WHR1: variants seen among roughly 807,000 people sequenced by gnomAD.
WHR1 encodes the protein MHC class III HLA-RP1.
chr6:31,978,837 G>A, the WHR1 span: 439,561 of 1,469,126 alleles, frequency 0.3, 70,998 homozygotes, highest in Admixed American at 0.46. Context: ...GCCTGAGAGC[G>A]CCCAGAGTAT....
At chr6:31,980,354 C>G in the WHR1 span, 1 of 1,134,268 alleles carries the variant, frequency 8.8e-7, no homozygotes, top group Non-Finnish European at 1.2e-6. Flanking sequence ...CATGGTTGCC[C>G]GTGTTTCTGG....
chr6:31,980,536 T>A, the WHR1 span: 8 of 1,612,778 alleles, frequency 5.0e-6, no homozygotes, highest in Non-Finnish European at 6.8e-6. Context: ...ATTCATCAAG[T>A]ACTTTGTTAA....
the WHR1 span, chr6:31,971,433 G>T: frequency 9.9e-6 from 16 of 1,611,660 alleles, no homozygotes; most frequent in Non-Finnish European, 1.3e-5. This position sits in a 1 kb window ranked among gnomAD's most constrained non-coding sequence, Gnocchi z 4.5. Flanking sequence ...TGAGGTCAAA[G>T]TTGGGGCCTG....
the WHR1 span, among the ~76,000 whole-genome samples, chr6:31,977,846 C>T: frequency 6.8e-3 from 1,032 of 151,646 alleles, 3 homozygotes; most frequent in Non-Finnish European, 0.012. Context: ...CAGGCTGGAG[C>T]GCAGTGGCAT....
the WHR1 span, chr6:31,979,406 G>A: frequency 1.9e-6 from 3 of 1,612,880 alleles, no homozygotes; most frequent in Non-Finnish European, 2.5e-6. Context: ...TCTCATCTCT[G>A]CTTGTAGGTC....
the WHR1 span, among the ~76,000 whole-genome samples, chr6:31,978,281 C>A: frequency 6.6e-6 from 1 of 151,898 alleles, no homozygotes; most frequent in African/African-American, 2.4e-5. Flanking sequence ...TGTCTGCCCC[C>A]ACGCCTGGCT....
chr6:31,972,844 A>C, the WHR1 span: 1 of 1,587,362 alleles, frequency 6.3e-7, no homozygotes, highest in Non-Finnish European at 8.5e-7. This position sits in a 1 kb window ranked among gnomAD's most constrained non-coding sequence, Gnocchi z 6.3. Context: ...GCCGTTCAGC[A>C]AGCATTAGGC....
At chr6:31,977,163 T>G in the WHR1 span, among the ~76,000 whole-genome samples, 2 of 151,786 alleles carry the variant, frequency 1.3e-5, no homozygotes, top group Non-Finnish European at 2.9e-5. Context: ...ATAAATGCCC[T>G]CCATGTTCCA....
the WHR1 span, among the ~76,000 whole-genome samples, chr6:31,976,068 C>T: frequency 0.039 from 5,595 of 145,104 alleles, 166 homozygotes; most frequent in East Asian, 0.11. Flanking sequence ...CCAGACGGGG[C>T]GGCTGGCCGG....
At chr6:31,979,286 G>T in the WHR1 span, 1 of 1,253,502 alleles carries the variant, frequency 8.0e-7, no homozygotes, top group Non-Finnish European at 1.1e-6. Context: ...GGAGGAGGAA[G>T]AAGAAGGGTA....
the WHR1 span, chr6:31,978,925 A>T: frequency 1.2e-6 from 2 of 1,612,424 alleles, no homozygotes; most frequent in Non-Finnish European, 1.7e-6. Context: ...GAGCAGGGGG[A>T]GATCAGAATC....
the WHR1 span, chr6:31,972,477 G>A: frequency 1.2e-5 from 19 of 1,612,738 alleles, no homozygotes; most frequent in Non-Finnish European, 1.6e-5. The surrounding 1 kb of genome is among the most constrained non-coding windows in gnomAD (Gnocchi z 6.3). Context: ...GGAAGCGAGG[G>A]CCTGTGGAGT....
the WHR1 span, among the ~76,000 whole-genome samples, chr6:31,973,900 T>C: frequency 6.6e-6 from 1 of 152,254 alleles, no homozygotes; most frequent in East Asian, 1.9e-4. Context: ...GCTTTTTAAG[T>C]GTGCCTTAAA....
the WHR1 span, chr6:31,972,389 C>G: frequency 6.2e-7 from 1 of 1,613,092 alleles, no homozygotes; most frequent in East Asian, 2.2e-5. The surrounding 1 kb of genome is among the most constrained non-coding windows in gnomAD (Gnocchi z 6.3). Context: ...TACCCCTTCC[C>G]CGGTACCATA....
the WHR1 span, chr6:31,972,493 C>A: frequency 6.2e-7 from 1 of 1,612,108 alleles, no homozygotes; most frequent in African/African-American, 1.3e-5. The surrounding 1 kb of genome is among the most constrained non-coding windows in gnomAD (Gnocchi z 6.3). Flanking sequence ...GGAGTCGGAT[C>A]CTCTTCGGGG....
chr6:31,971,767 A>G, the WHR1 span: 1 of 1,402,018 alleles, frequency 7.1e-7, no homozygotes, highest in Non-Finnish European at 9.5e-7. This position sits in a 1 kb window ranked among gnomAD's most constrained non-coding sequence, Gnocchi z 4.5. Flanking sequence ...GAGCCACCTG[A>G]TCGCCAGGCT....
At chr6:31,980,331 C>G in the WHR1 span, 18 of 897,628 alleles carry the variant, frequency 2.0e-5, no homozygotes, top group Non-Finnish European at 2.1e-5. Context: ...ATTTTGTTAT[C>G]CAGTCTCTCT....
chr6:31,971,296 T>G, the WHR1 span: 2 of 1,537,382 alleles, frequency 1.3e-6, no homozygotes, highest in Non-Finnish European at 8.8e-7. This position sits in a 1 kb window ranked among gnomAD's most constrained non-coding sequence, Gnocchi z 4.5. Flanking sequence ...TCTCCAGATA[T>G]ACTGCCTACC....
At chr6:31,971,400 G>T in the WHR1 span, 3 of 1,599,032 alleles carry the variant, frequency 1.9e-6, no homozygotes, top group Non-Finnish European at 2.6e-6. This position sits in a 1 kb window ranked among gnomAD's most constrained non-coding sequence, Gnocchi z 4.5. Context: ...CCCGGGGCTG[G>T]TATCGATCCG....
Sources: gnomAD v4.1 joint callset for allele counts (sites outside exome capture counted in the v4.1 genomes callset) on GRCh38, gnomAD v4.1.1 for gene constraint, Gnocchi (gnomAD v3.1) non-coding constraint, MANE v1.5 for transcripts, NCBI Gene and HGNC (gene_info 2026-07-23, HGNC 2026-07-21) for gene names.